The following CSMD1 variants were observed in gnomAD, a reference collection of about 807,000 sequenced individuals.
CSMD1 encodes the protein CUB and sushi domain-containing protein 1.
A neutral mutation model predicts 417.5 loss-of-function variants in CSMD1; 213 were observed. The ratio of observed to expected loss-of-function variants is 0.51; its 90% CI spans 0.46 to 0.57. The LOEUF (loss-of-function observed/expected upper bound fraction) is 0.57, where lower values mean the gene tolerates loss of function less well. Among genes scored for constraint, CSMD1 ranks in the 20% least tolerant of loss-of-function variants. The probability of loss-of-function intolerance (pLI) is 0.00; values close to 1 mark genes in which losing one functional copy is unlikely to be tolerated. For missense variants in CSMD1, 6,923 were observed against 4,529.7 expected (o/e 1.53, Z -15.17); for synonymous variants, 2,862 against 1,736.8 (o/e 1.65, Z -16.11).
rs187376127 is a variant in CSMD1 at position 4,320,354 on chromosome 8, A to G, written c.415+99599T>C. 2.5e-3 allele frequency among the ~76,000 whole-genome samples: 382 copies of G among 152,306 alleles called. 1 individual carries two copies. Among genetic ancestry groups the G allele is most frequent in the Non-Finnish European group, 2.9e-3 (195 of 68,032 alleles). On this transcript the variant is annotated intron_variant, in intron 3 of 69. Coordinates refer to ENST00000635120, the MANE Select transcript of CSMD1 (RefSeq NM_033225.6). Reference sequence around the variant, plus strand: ...TCCTTCCACAAGTCATCACACAAATAAACCTTTTTTATTATTATTATACTT... The same window carrying G: ...TCCTTCCACAAGTCATCACACAAATGAACCTTTTTTATTATTATTATACTT...
chr8:3,106,446 C>G (rs958301697), intron 46 of CSMD1, 82 bp downstream of exon 46: 3 of 800,156 alleles, frequency 3.7e-6, no homozygotes, highest in Non-Finnish European at 6.0e-6. Context: ...CACATCTATA[C>G]AAAGAAATGC....
intron 50 of CSMD1, among the ~76,000 whole-genome samples, chr8:3,030,117 A>AGG (rs1810243393): frequency 6.6e-6 from 1 of 152,102 alleles, no homozygotes; most frequent in African/African-American, 2.4e-5. Flanking sequence ...CCTAGAATAT[A>AGG]GCAGTTACTT....
At chr8:3,873,886 G>A (rs1585122940) in intron 5 of CSMD1, among the ~76,000 whole-genome samples, 2 of 152,250 alleles carry the variant, frequency 1.3e-5, no homozygotes, top group South Asian at 2.1e-4. Context: ...CAGACTGGCT[G>A]AACTGGGGGA....
intron 3 of CSMD1, among the ~76,000 whole-genome samples, chr8:4,375,593 A>T (rs552990230): frequency 5.3e-5 from 8 of 152,240 alleles, no homozygotes; most frequent in East Asian, 3.9e-4. Context: ...CCTACTGAGG[A>T]AGAAGGCTCA....
At chr8:2,965,491 G>C (rs547130762) in intron 59 of CSMD1, among the ~76,000 whole-genome samples, 1 of 152,258 alleles carries the variant, frequency 6.6e-6, no homozygotes, top group South Asian at 2.1e-4. Context: ...CTGGGGTTCA[G>C]ACACAGACTC....
intron 5 of CSMD1, among the ~76,000 whole-genome samples, chr8:3,858,713 C>T (rs537134990): frequency 3.3e-5 from 5 of 151,972 alleles, no homozygotes; most frequent in East Asian, 3.9e-4. Context: ...ATAAAATAGT[C>T]CATAAATCAG....
intron 1 of CSMD1, among the ~76,000 whole-genome samples, chr8:4,946,573 G>A (rs951123252): frequency 7.9e-5 from 12 of 152,214 alleles, no homozygotes; most frequent in Non-Finnish European, 1.6e-4. Context: ...CTCTGTATAA[G>A]TGAATAGAAC....
At chr8:4,907,531 T>G (rs1376684304) in intron 1 of CSMD1, among the ~76,000 whole-genome samples, 1 of 134,336 alleles carries the variant, frequency 7.4e-6, no homozygotes, top group African/African-American at 3.0e-5. Context: ...AAAATTTAAA[T>G]TATTTTTGGT....
chr8:4,559,759 T>C (rs559667849), intron 2 of CSMD1, among the ~76,000 whole-genome samples: 1 of 152,264 alleles, frequency 6.6e-6, no homozygotes, highest in Non-Finnish European at 1.5e-5. Flanking sequence ...AGTGAGTCAG[T>C]TGTTATCAGT....
intron 23 of CSMD1, among the ~76,000 whole-genome samples, chr8:3,323,724 C>T (rs951586019): frequency 6.6e-6 from 1 of 151,720 alleles, no homozygotes. Context: ...CATCCAACCC[C>T]AGAGACCCAG....
intron 1 of CSMD1, among the ~76,000 whole-genome samples, chr8:4,706,223 G>T (rs1247576515): frequency 6.6e-6 from 1 of 150,986 alleles, no homozygotes; most frequent in South Asian, 2.1e-4. Context: ...TCTGGCAATT[G>T]CTAATTGTTT....
At chr8:3,438,770 T>C (rs1366950416) in intron 12 of CSMD1, among the ~76,000 whole-genome samples, 3 of 152,020 alleles carry the variant, frequency 2.0e-5, no homozygotes, top group East Asian at 1.9e-4. Context: ...CTGAGATAAA[T>C]GATTGGAAGT....
At chr8:3,599,251 G>A (rs776710256) in intron 8 of CSMD1, among the ~76,000 whole-genome samples, 8 of 151,816 alleles carry the variant, frequency 5.3e-5, no homozygotes, top group Admixed American at 3.3e-4. Context: ...CTGCAGTCAA[G>A]CAAATGAATG....
At chr8:4,078,549 C>G (rs1410884063) in intron 3 of CSMD1, among the ~76,000 whole-genome samples, 3 of 151,746 alleles carry the variant, frequency 2.0e-5, no homozygotes, top group African/African-American at 7.3e-5. Context: ...CAGGGGTGAG[C>G]CACTGCGCCC....
intron 2 of CSMD1, among the ~76,000 whole-genome samples, chr8:4,633,007 A>C (rs1377440214): frequency 6.6e-6 from 1 of 152,026 alleles, no homozygotes; most frequent in Admixed American, 6.6e-5. Context: ...GACTTTCTTG[A>C]ATTTCAGGGT....
chr8:3,512,453 G>C (rs1409604366), intron 10 of CSMD1, among the ~76,000 whole-genome samples: 3 of 152,104 alleles, frequency 2.0e-5, no homozygotes, highest in African/African-American at 4.8e-5. Flanking sequence ...CCTGAGCAAT[G>C]TGCCCATGAC....
chr8:3,991,862 T>A (rs992253028), intron 5 of CSMD1, among the ~76,000 whole-genome samples: 10 of 152,228 alleles, frequency 6.6e-5, no homozygotes, highest in Non-Finnish European at 1.3e-4. Flanking sequence ...CTTTGAAGCC[T>A]ATTTTTCTCA....
At chr8:4,282,912 T>C (rs1011327708) in intron 3 of CSMD1, among the ~76,000 whole-genome samples, 76 of 152,216 alleles carry the variant, frequency 5.0e-4, no homozygotes, top group Non-Finnish European at 1.3e-4. Flanking sequence ...CCACAGTTCA[T>C]TGCTGTATAA....
chr8:3,368,108 A>G (rs971739283), intron 19 of CSMD1, among the ~76,000 whole-genome samples: 7 of 152,068 alleles, frequency 4.6e-5, no homozygotes, highest in African/African-American at 1.5e-4. Context: ...ATAACTTCTA[A>G]TAAAAATGTG....
Sources: allele counts gnomAD v4.1 joint callset (sites outside exome capture counted in the v4.1 genomes callset), GRCh38; gene constraint gnomAD v4.1.1; transcripts MANE v1.5; gene names NCBI Gene and HGNC (gene_info 2026-07-23, HGNC 2026-07-21).